The following RAB10 variants were observed in gnomAD, a reference collection of about 807,000 sequenced individuals.
The protein encoded by RAB10 is RAB10, member RAS oncogene family.
RAB10 carries 5 observed loss-of-function variants against 25.7 expected under a neutral mutation model. The observed-to-expected ratio is 0.19, with a 90% CI of 0.10 to 0.41. RAB10 has a LOEUF of 0.41. Ranked by LOEUF, RAB10 falls within the 10% of genes least tolerant of loss-of-function variation. The pLI is 1.00. For synonymous variants in RAB10, 89 were observed against 86.4 expected (o/e 1.03, Z -0.16); for missense variants, 103 against 245.8 (o/e 0.42, Z 3.89).
chr2:26,092,515 C>G (rs1667130874), intron 1 of RAB10, among the ~76,000 whole-genome samples: 1 of 151,942 alleles, frequency 6.6e-6, no homozygotes, highest in South Asian at 2.1e-4. Context: ...GTAATAGAAC[C>G]TAGTAGTTGT....
At chr2:26,100,200 A>G in intron 2 of RAB10, among the ~76,000 whole-genome samples, 1 of 152,222 alleles carries the variant, frequency 6.6e-6, no homozygotes, top group East Asian at 1.9e-4. Flanking sequence ...CAGCAGGTCA[A>G]ATCCAATAAG....
intron 2 of RAB10, among the ~76,000 whole-genome samples, chr2:26,107,288 C>T (rs1184624013): frequency 2.1e-5 from 3 of 143,456 alleles, no homozygotes; most frequent in Non-Finnish European, 3.0e-5. Context: ...AATTCTTAGA[C>T]ATAACACTAA....
At chr2:26,069,635 C>T (rs1442666157) in intron 1 of RAB10, among the ~76,000 whole-genome samples, 1 of 151,834 alleles carries the variant, frequency 6.6e-6, no homozygotes. Context: ...CACTGCACTC[C>T]AGTCTGGGCG....
chr2:26,090,669 C>G (rs1667086596), intron 1 of RAB10, among the ~76,000 whole-genome samples: 1 of 151,416 alleles, frequency 6.6e-6, no homozygotes, highest in African/African-American at 2.4e-5. Context: ...TGCAGTGGCT[C>G]ATGTTTGTAA....
intron 1 of RAB10, among the ~76,000 whole-genome samples, chr2:26,092,388 A>G (rs1286970019): frequency 6.6e-6 from 1 of 151,796 alleles, no homozygotes. Flanking sequence ...GTGAGAGGAG[A>G]GAAAACTAGA....
intron 2 of RAB10, among the ~76,000 whole-genome samples, chr2:26,106,915 T>C (rs917345452): frequency 2.0e-5 from 3 of 148,730 alleles, no homozygotes; most frequent in Non-Finnish European, 4.5e-5. Context: ...ATAAGGCTTT[T>C]AGAAGAAAAT....
In RAB10 at chr2:26,085,992, T is replaced by C. The variant is rs1308445226; in HGVS notation, c.128-12670T>C. ...CCAGCCTGGGCAACAAGAGCAAAAC[T>C]GTCTCCAAAAAAAAAAAAAAAAAAA... is the stretch of plus-strand genomic sequence containing the variant. On this transcript the variant is annotated intron_variant, in intron 1 of 5. Transcript: ENST00000264710. Among the ~76,000 whole-genome samples the C allele has an allele frequency of 4.8e-3, 267 of 55,836 alleles. 2 individuals are homozygous for C. The highest frequency in any genetic ancestry group is 0.021 in the African/African-American group (256 of 12,422). The allele number at this position is 55,836 out of a possible 152,430, so 36.6% of individuals were successfully genotyped here.
chr2:26,069,706 T>G (rs1574536803), intron 1 of RAB10, among the ~76,000 whole-genome samples: 1 of 141,864 alleles, frequency 7.0e-6, no homozygotes, highest in East Asian at 2.2e-4. Context: ...AAACAACTAC[T>G]CAGATACTTT....
intron 1 of RAB10, among the ~76,000 whole-genome samples, chr2:26,076,448 AT>A (rs1258162125): frequency 6.6e-6 from 1 of 152,122 alleles, no homozygotes; most frequent in Non-Finnish European, 1.5e-5. Flanking sequence ...CCAGGTAGTT[AT>A]TTGAGGCAGG....
At chr2:26,036,870 A>G (rs924026059) in intron 1 of RAB10, among the ~76,000 whole-genome samples, 1 of 150,484 alleles carries the variant, frequency 6.6e-6, no homozygotes, top group African/African-American at 2.4e-5. Context: ...GCCCACTGCA[A>G]CCTCCGCCTC....
intron 2 of RAB10, among the ~76,000 whole-genome samples, chr2:26,101,030 C>A (rs1465553535): frequency 6.6e-6 from 1 of 152,050 alleles, no homozygotes; most frequent in Non-Finnish European, 1.5e-5. Flanking sequence ...ATAGAATGAT[C>A]AGGGAGGTCC....
At chr2:26,068,749 T>A (rs1666563307) in intron 1 of RAB10, among the ~76,000 whole-genome samples, 1 of 152,336 alleles carries the variant, frequency 6.6e-6, no homozygotes, top group African/African-American at 2.4e-5. Flanking sequence ...TAACTCTGGT[T>A]AACATATGGG....
intron 1 of RAB10, among the ~76,000 whole-genome samples, chr2:26,073,802 C>T (rs1445064830): frequency 6.6e-6 from 1 of 152,062 alleles, no homozygotes; most frequent in African/African-American, 2.4e-5. Context: ...ATGATTCGAG[C>T]TCAAGTGTTA....
chr2:26,061,658 G>A (rs555126033), intron 1 of RAB10, among the ~76,000 whole-genome samples: 10 of 151,704 alleles, frequency 6.6e-5, no homozygotes, highest in South Asian at 4.2e-4. Flanking sequence ...CCCAAAGGGC[G>A]GTAATTATAG....
At chr2:26,128,212 A>T (rs887202038) in intron 5 of RAB10, among the ~76,000 whole-genome samples, 1 of 152,196 alleles carries the variant, frequency 6.6e-6, no homozygotes, top group African/African-American at 2.4e-5. Context: ...GGAGCACGCA[A>T]CCTAGATCCC....
chr2:26,098,753 G>A (rs1231561856), intron 2 of RAB10, 31 bp downstream of exon 2: 6 of 1,504,404 alleles, frequency 4.0e-6, no homozygotes, highest in Non-Finnish European at 5.5e-6. Flanking sequence ...TTATGTAGCA[G>A]AATGTCAGGT....
At chr2:26,053,205 A>G (rs866771732) in intron 1 of RAB10, among the ~76,000 whole-genome samples, 1 of 152,150 alleles carries the variant, frequency 6.6e-6, no homozygotes, top group African/African-American at 2.4e-5. Context: ...GTTGGGGTGA[A>G]TGATATTTTG....
At chr2:26,126,948 T>A (rs886888607) in intron 3 of RAB10, among the ~76,000 whole-genome samples, 196 bp from the exon 4 acceptor site, 2 of 152,202 alleles carry the variant, frequency 1.3e-5, no homozygotes, top group East Asian at 3.8e-4. Context: ...GGATATGTCT[T>A]GGGAATTGCG....
intron 2 of RAB10, among the ~76,000 whole-genome samples, chr2:26,100,716 T>C (rs1667323200): frequency 6.6e-6 from 1 of 152,234 alleles, no homozygotes; most frequent in Non-Finnish European, 1.5e-5. Context: ...CCTTACCTTA[T>C]AAATTAGGAT....
Sources: gnomAD v4.1 joint callset for allele counts (sites outside exome capture counted in the v4.1 genomes callset) on GRCh38, gnomAD v4.1.1 for gene constraint, MANE v1.5 for transcripts, NCBI Gene and HGNC (gene_info 2026-07-23, HGNC 2026-07-21) for gene names.